Variants in STK3 observed in about 807,000 individuals in gnomAD.
The protein encoded by STK3 is serine/threonine kinase 3, also known as serine/threonine-protein kinase 3.
In STK3, 41 loss-of-function variants were observed where a neutral mutation model predicts 58.0. The ratio of observed to expected loss-of-function variants is 0.71; its 90% CI spans 0.55 to 0.92. The LOEUF is 0.92. Among genes scored for constraint, STK3 ranks in the 40% least tolerant of loss-of-function variants. The pLI is 0.00. For synonymous variants in STK3, 170 were observed against 191.0 expected, an observed-to-expected ratio of 0.89 and a Z score of 0.91; for missense variants, 479 against 602.7, an observed-to-expected ratio of 0.79 and a Z score of 2.15.
chr8:98,741,473 A>G (rs1208680610), intron 4 of STK3, among the ~76,000 whole-genome samples: 1 of 152,236 alleles, frequency 6.6e-6, no homozygotes, highest in Non-Finnish European at 1.5e-5. Flanking sequence ...ATGGAAACTG[A>G]ACAACCTGCT....
intron 1 of STK3, among the ~76,000 whole-genome samples, chr8:98,791,093 C>T (rs908600358): frequency 4.6e-5 from 7 of 152,214 alleles, no homozygotes; most frequent in African/African-American, 1.4e-4. Context: ...ACAGAAAGCT[C>T]CTAGAACTGA....
At chr8:98,496,559 T>G (rs1384900783) in intron 10 of STK3, among the ~76,000 whole-genome samples, 1 of 152,134 alleles carries the variant, frequency 6.6e-6, no homozygotes, top group Non-Finnish European at 1.5e-5. Context: ...TTGCAGAAAT[T>G]GACAAGCTAA....
intron 1 of STK3, among the ~76,000 whole-genome samples, chr8:98,796,173 C>G (rs1473105743): frequency 2.0e-5 from 3 of 152,048 alleles, no homozygotes; most frequent in Admixed American, 6.5e-5. Context: ...CAAAAAAGGG[C>G]CTGAACAGCC....
chr8:98,533,586 C>A (rs1163990582), intron 9 of STK3, among the ~76,000 whole-genome samples: 1 of 152,108 alleles, frequency 6.6e-6, no homozygotes, highest in Non-Finnish European at 1.5e-5. Context: ...CTTCTGGGCT[C>A]AAGCGATTTT....
intron 2 of STK3, chr8:98,436,683 C>G (rs1327046232): frequency 6.6e-6 from 1 of 152,190 alleles, no homozygotes; most frequent in Non-Finnish European, 1.5e-5. Context: ...TACTGTGCAG[C>G]AGAATCCTCT....
chr8:98,754,507 T>C (rs1205684283), intron 3 of STK3, among the ~76,000 whole-genome samples: 2 of 151,434 alleles, frequency 1.3e-5, no homozygotes, highest in African/African-American at 4.9e-5. Flanking sequence ...AAAAACTCTC[T>C]CTCTCTCTCT....
chr8:98,690,307 C>G (rs915149361), intron 6 of STK3, among the ~76,000 whole-genome samples: 1 of 152,108 alleles, frequency 6.6e-6, no homozygotes, highest in Non-Finnish European at 1.5e-5. Context: ...AAGATTCTGT[C>G]AAGACTCCTA....
chr8:98,682,907 T>A lies in STK3; in HGVS notation c.684+23560A>T, dbSNP rs371313393. ...TGCACACCTAGCTATTTATGTCTCC[T>A]AAAATAAATGCTAGCTTAAATCTCT... On this transcript the variant is annotated intron_variant, in intron 6 of 10. Transcript: ENST00000419617. Among the ~76,000 whole-genome samples, 6 of 152,248 alleles carry A rather than the reference T, an allele frequency of 3.9e-5. No homozygotes were observed. In the South Asian group the frequency reaches 8.3e-4, roughly 21 times the overall value.
downstream of STK3, among the ~76,000 whole-genome samples, chr8:98,369,630 G>A (rs1266513430): frequency 6.6e-6 from 1 of 152,160 alleles, no homozygotes; most frequent in African/African-American, 2.4e-5. Flanking sequence ...TCCCTTGCAG[G>A]GAGGAGGAGG....
chr8:98,751,967 AT>A (rs1478223126), intron 3 of STK3, among the ~76,000 whole-genome samples: 1 of 151,936 alleles, frequency 6.6e-6, no homozygotes, highest in Admixed American at 6.6e-5. Flanking sequence ...AAATAAAAAA[AT>A]AATATATAAA....
intron 8 of STK3, among the ~76,000 whole-genome samples, chr8:98,576,591 G>C (rs1433968680): frequency 1.3e-5 from 2 of 152,146 alleles, no homozygotes; most frequent in Non-Finnish European, 2.9e-5. Flanking sequence ...CACTGTACAA[G>C]TTTTTTAACT....
rs941993176 is a variant in STK3, at chr8:98,596,760, A to G, written c.685-591T>C. The stretch of plus-strand genomic sequence containing the variant: ...CTTATAATTTAGTGGTAATGATAAT[A>G]CATTCAGAAACCTCAAAAATCAAAA... On this transcript the variant is annotated intron_variant, in intron 6 of 10. Transcript: ENST00000419617. Among the ~76,000 whole-genome samples the G allele has an allele frequency of 4.6e-5, 7 of 152,120 alleles. No individual in the cohort carries two copies. The East Asian group carries it at 1.2e-3, about 25-fold the overall frequency.
Position 98,839,982 on chromosome 8 carries a change from G to T in STK3, c.110+43665C>A, listed in dbSNP as rs140226533. On this transcript the variant is annotated intron_variant, in intron 3 of 12. Coordinates refer to the STK3 transcript ENST00000523601. ...ACAAATAAGGGGAGAAAGTAATAGAGAAGGGTCTGAACACCACAGATTTAT... is the reference window on the plus strand; with the variant it reads ...ACAAATAAGGGGAGAAAGTAATAGATAAGGGTCTGAACACCACAGATTTAT... Among the ~76,000 whole-genome samples the T allele has an allele frequency of 1.5e-3, 228 of 152,238 alleles. 1 individual carries two copies. Among genetic ancestry groups the T allele is most frequent in the African/African-American group, 5.2e-3 (218 of 41,544 alleles).
chr8:98,449,841 G>A (rs1819119816), downstream of STK3, among the ~76,000 whole-genome samples: 1 of 152,050 alleles, frequency 6.6e-6, no homozygotes, highest in African/African-American at 2.4e-5. Context: ...TGAGTGAATG[G>A]GCTATTCTAA....
chr8:98,891,059 G>A (rs1051743552), intron 1 of STK3, among the ~76,000 whole-genome samples: 1 of 152,220 alleles, frequency 6.6e-6, no homozygotes, highest in African/African-American at 2.4e-5. Context: ...CTTATACATT[G>A]TTGCACAAGT....
rs764842623 is a variant in STK3, at chr8:98,596,027, C to T, written c.822+5G>A. On this transcript the variant is annotated splice_donor_5th_base_variant and intron_variant, in intron 7 of 10. Coordinates refer to ENST00000419617, the MANE Select transcript of STK3 (RefSeq NM_006281.4). ...TATCCTTCCCTTCGAGGCACAAGCACTGACCTGTAAAAGTTGTGTTGCAGT... is the reference window on the plus strand; with the variant it reads ...TATCCTTCCCTTCGAGGCACAAGCATTGACCTGTAAAAGTTGTGTTGCAGT... 2 of 1,612,518 alleles carry T rather than the reference C, an allele frequency of 1.2e-6. No individual in the cohort carries two copies. Among genetic ancestry groups the T allele is most frequent in the East Asian group, 2.2e-5 (1 of 44,862 alleles).
intron 6 of STK3, among the ~76,000 whole-genome samples, chr8:98,661,406 T>C (rs1395717052): frequency 6.6e-6 from 1 of 152,120 alleles, no homozygotes; most frequent in African/African-American, 2.4e-5. Flanking sequence ...CTCTGGGACC[T>C]GTCCCTTTTT....
At chr8:98,928,543 T>A (rs1415069786) in intron 1 of STK3, among the ~76,000 whole-genome samples, 1 of 152,242 alleles carries the variant, frequency 6.6e-6, no homozygotes. Context: ...CACCTTTGAC[T>A]AGTTTGAAGT....
At chr8:98,883,942 A>C in intron 1 of STK3, 1 of 512,728 alleles carries the variant, frequency 2.0e-6, no homozygotes. Context: ...GGGAACAGGG[A>C]GGGGAGAGCA....
Sources: allele counts gnomAD v4.1 joint callset (sites outside exome capture counted in the v4.1 genomes callset), GRCh38; gene constraint gnomAD v4.1.1; transcripts MANE v1.5; gene names NCBI Gene and HGNC (gene_info 2026-07-23, HGNC 2026-07-21).